Variants in ZNF385B observed in about 807,000 individuals in gnomAD.
ZNF385B encodes zinc finger protein 533.
Under a neutral mutation model 39.2 loss-of-function variants are expected in ZNF385B, and 23 were observed. That is an observed-to-expected ratio of 0.59 (90% CI 0.42 to 0.83). The LOEUF (loss-of-function observed/expected upper bound fraction) is 0.83, where lower values mean the gene tolerates loss of function less well. Ranked by LOEUF, ZNF385B falls within the 40% of genes least tolerant of loss-of-function variation. The pLI is 0.00. For synonymous variants in ZNF385B, 205 were observed against 222.6 expected, an observed-to-expected ratio of 0.92 and a Z score of 0.70; for missense variants, 552 against 598.9, an observed-to-expected ratio of 0.92 and a Z score of 0.82.
chr2:179,747,042 G>C (rs1252146656), intron 3 of ZNF385B, among the ~76,000 whole-genome samples: 3 of 152,064 alleles, frequency 2.0e-5, no homozygotes, highest in African/African-American at 4.8e-5. Context: ...GACTCTGAAG[G>C]CCAGACAAAC....
chr2:179,790,304 G>C (rs554630718), intron 1 of ZNF385B, among the ~76,000 whole-genome samples: 520 of 152,218 alleles, frequency 3.4e-3, no homozygotes, highest in South Asian at 7.5e-3. Flanking sequence ...GCTCACCCCT[G>C]AATTAATTCA....
At chr2:179,577,125 A>G (rs1574872800) in intron 3 of ZNF385B, among the ~76,000 whole-genome samples, 1 of 152,296 alleles carries the variant, frequency 6.6e-6, no homozygotes, top group Admixed American at 6.5e-5. Flanking sequence ...AGAGCCCTGT[A>G]ACATTGGGCT....
intron 6 of ZNF385B, among the ~76,000 whole-genome samples, chr2:179,476,170 C>T (rs2053430089): frequency 6.6e-6 from 1 of 152,020 alleles, no homozygotes; most frequent in Admixed American, 6.6e-5. Context: ...AGAATTCTTC[C>T]TGAAGCAAGT....
chr2:179,747,593 T>C (rs968870965), intron 3 of ZNF385B, among the ~76,000 whole-genome samples: 3 of 152,122 alleles, frequency 2.0e-5, no homozygotes, highest in African/African-American at 7.2e-5. Context: ...TCATGAGAGA[T>C]TGTATGCCTA....
At chr2:179,562,601 G>A (rs1469389021) in intron 3 of ZNF385B, 1 of 985,212 alleles carries the variant, frequency 1.0e-6, no homozygotes, top group African/African-American at 1.7e-5. Flanking sequence ...TGAGGATCGT[G>A]TTTGCAACTT....
At chr2:179,692,717 C>A (rs1416362038) in intron 3 of ZNF385B, among the ~76,000 whole-genome samples, 1 of 152,200 alleles carries the variant, frequency 6.6e-6, no homozygotes, top group African/African-American at 2.4e-5. Context: ...ATATTAGCAA[C>A]TTTCTGAGAG....
chr2:179,681,080 GTT>G (rs11371583), intron 3 of ZNF385B, among the ~76,000 whole-genome samples: 2 of 139,072 alleles, frequency 1.4e-5, no homozygotes, highest in African/African-American at 2.6e-5. Context: ...TTAAACAACT[GTT>G]TTTTTTTTTT....
intron 4 of ZNF385B, among the ~76,000 whole-genome samples, chr2:179,543,665 C>CTT (rs796735240): frequency 6.8e-6 from 1 of 146,694 alleles, no homozygotes; most frequent in African/African-American, 2.5e-5. Context: ...CCTTTTGTAA[C>CTT]TTTTTTTTTT....
At chr2:179,789,538 G>A (rs1421192623) in intron 1 of ZNF385B, among the ~76,000 whole-genome samples, 1 of 152,164 alleles carries the variant, frequency 6.6e-6, no homozygotes, top group Admixed American at 6.6e-5. Flanking sequence ...AAACTGGACT[G>A]AATTTGTTGT....
intron 3 of ZNF385B, among the ~76,000 whole-genome samples, chr2:179,587,025 T>C (rs1400042845): frequency 5.9e-5 from 9 of 151,964 alleles, no homozygotes; most frequent in Non-Finnish European, 1.3e-4. Flanking sequence ...GGCAACAGAG[T>C]GAGACTCCAT....
At chr2:179,739,094 C>T (rs1239652626) in intron 3 of ZNF385B, among the ~76,000 whole-genome samples, 7 of 152,188 alleles carry the variant, frequency 4.6e-5, no homozygotes, top group Non-Finnish European at 1.0e-4. Flanking sequence ...GGGAAGGTAC[C>T]TTAATCTCTC....
intron 3 of ZNF385B, among the ~76,000 whole-genome samples, chr2:179,609,274 G>C (rs1425999551): frequency 6.6e-6 from 1 of 151,952 alleles, no homozygotes; most frequent in Non-Finnish European, 1.5e-5. Context: ...CTGTCTCCAT[G>C]AGTTCAATTG....
At chr2:179,703,717 C>T (rs749369435) in intron 3 of ZNF385B, among the ~76,000 whole-genome samples, 1 of 152,222 alleles carries the variant, frequency 6.6e-6, no homozygotes, top group African/African-American at 2.4e-5. Context: ...CACATGTGTG[C>T]ATGCATTCAT....
chr2:179,568,068 TTTAA>T (rs1175712200), intron 3 of ZNF385B, among the ~76,000 whole-genome samples: 3 of 152,186 alleles, frequency 2.0e-5, no homozygotes, highest in Non-Finnish European at 4.4e-5. Context: ...TCACCACATG[TTTAA>T]TTAAGCCCCT....
At chr2:179,754,220 T>C (rs1209426335) in intron 3 of ZNF385B, among the ~76,000 whole-genome samples, 1 of 152,244 alleles carries the variant, frequency 6.6e-6, no homozygotes, top group African/African-American at 2.4e-5. Flanking sequence ...GTTCTGTTTA[T>C]ATGCTGTATT....
intron 6 of ZNF385B, among the ~76,000 whole-genome samples, chr2:179,466,175 CTT>C (rs1401932634): frequency 6.6e-6 from 1 of 152,140 alleles, no homozygotes; most frequent in Non-Finnish European, 1.5e-5. Flanking sequence ...AAACAATTCT[CTT>C]GAGTGGATCT....
At chr2:179,807,937 G>A (rs905204413) in intron 1 of ZNF385B, among the ~76,000 whole-genome samples, 88 of 108,568 alleles carry the variant, frequency 8.1e-4, no homozygotes, top group African/African-American at 2.5e-3. Context: ...AAAGAAGGAA[G>A]GAAGGAAGGA....
rs570467369 is a variant in ZNF385B at position 179,504,384 on chromosome 2, A to G, written c.552+14144T>C. On this transcript the variant is annotated intron_variant, in intron 5 of 9. Transcript: ENST00000410066. Reference sequence around the variant, plus strand: ...CAGCATGATTTATAGTCCTTTGGGTATATATCCAGTAATGGGATGGCTGGG... The same window carrying G: ...CAGCATGATTTATAGTCCTTTGGGTGTATATCCAGTAATGGGATGGCTGGG... 1.6e-4 allele frequency among the ~76,000 whole-genome samples: 25 copies of G among 152,058 alleles called. No individual in the cohort carries two copies. The East Asian group carries it at 3.3e-3, about 20-fold the overall frequency.
chr2:179,711,541 G>A (rs1394506690), intron 3 of ZNF385B, among the ~76,000 whole-genome samples: 1 of 152,222 alleles, frequency 6.6e-6, no homozygotes, highest in East Asian at 1.9e-4. Context: ...TGACTCCATG[G>A]TATAAAAAGA....
Sources: gnomAD v4.1 joint callset for allele counts (sites outside exome capture counted in the v4.1 genomes callset) on GRCh38, gnomAD v4.1.1 for gene constraint, MANE v1.5 for transcripts, NCBI Gene and HGNC (gene_info 2026-07-23, HGNC 2026-07-21) for gene names.